AMZ1: variants seen among roughly 807,000 people sequenced by gnomAD.
AMZ1 encodes the protein archaemetzincin-1.
In AMZ1, 39 loss-of-function variants were observed where a neutral mutation model predicts 29.9. The ratio of observed to expected loss-of-function variants is 1.30; its 90% CI spans 1.01 to 1.70. The LOEUF (loss-of-function observed/expected upper bound fraction) is 1.70. Among genes scored for constraint, AMZ1 ranks in the 40% most tolerant of loss-of-function variants. The pLI, the probability that AMZ1 is intolerant of heterozygous loss-of-function variation, is 0.00. For missense variants in AMZ1, 1,041 were observed against 680.6 expected, an observed-to-expected ratio of 1.53 and a Z score of -5.89; for synonymous variants, 458 against 304.0, an observed-to-expected ratio of 1.51 and a Z score of -5.27.
chr7:2,679,781 C>A (rs1786818879), intron 1 of AMZ1: 2 of 152,516 alleles, frequency 1.3e-5, no homozygotes. Flanking sequence ...CTGCTCCAGG[C>A]AGAGGGCACA....
At position 2,752,004 on chromosome 7, in the gene AMZ1, G is replaced by A. The variant is rs540207709; in HGVS notation, n.551-12708G>A. ...AAATAATTTCCAACTCCTTTTATGA[G>A]GCCAGCATCATCCTGGTACCCACAC... On this transcript the variant is annotated intron_variant and non_coding_transcript_variant, in intron 4 of 4. Coordinates refer to the AMZ1 transcript ENST00000489665. Among the ~76,000 whole-genome samples, 15 of 152,168 alleles carry A rather than the reference G, an allele frequency of 9.9e-5. 1 individual carries two copies. The highest frequency in any genetic ancestry group is 4.6e-4 in the Admixed American group (7 of 15,282).
upstream of AMZ1, among the ~76,000 whole-genome samples, chr7:2,685,031 G>A (rs967664819): frequency 1.7e-4 from 26 of 151,682 alleles, no homozygotes; most frequent in African/African-American, 4.8e-4. Context: ...CACCACGCCC[G>A]GCTAATTTTT....
chr7:2,691,210 C>T (rs1352341218), intron 1 of AMZ1, among the ~76,000 whole-genome samples: 1 of 147,078 alleles, frequency 6.8e-6, no homozygotes, highest in East Asian at 1.9e-4. Flanking sequence ...AGGGAAGCCT[C>T]TGACCAGGGT....
At chr7:2,723,345 G>A (rs1789497991), downstream of AMZ1, among the ~76,000 whole-genome samples, 1 of 152,214 alleles carries the variant, frequency 6.6e-6, no homozygotes, top group African/African-American at 2.4e-5. Context: ...GTGAGCGGGA[G>A]AGCCACAAAG....
At chr7:2,698,137 ATGT>A (rs1787847235) in intron 1 of AMZ1, among the ~76,000 whole-genome samples, 1 of 152,228 alleles carries the variant, frequency 6.6e-6, no homozygotes, top group Non-Finnish European at 1.5e-5. Flanking sequence ...ACGTATGCCC[ATGT>A]TGCCACTACT....
At chr7:2,710,896 G>A (rs974501331) in intron 6 of AMZ1, among the ~76,000 whole-genome samples, 1 of 152,236 alleles carries the variant, frequency 6.6e-6, no homozygotes, top group Non-Finnish European at 1.5e-5. Flanking sequence ...GCCCCGTCAA[G>A]GGGCAGCTCT....
intron 4 of AMZ1, among the ~76,000 whole-genome samples, chr7:2,725,849 C>T (rs939232181): frequency 2.0e-5 from 3 of 152,146 alleles, no homozygotes; most frequent in African/African-American, 7.2e-5. Flanking sequence ...GTCAGTGAAC[C>T]ATCCCCTTCC....
intron 4 of AMZ1, among the ~76,000 whole-genome samples, chr7:2,740,179 T>C (rs921130857): frequency 6.6e-6 from 1 of 152,214 alleles, no homozygotes; most frequent in African/African-American, 2.4e-5. Flanking sequence ...TTCTGGGTTT[T>C]CTGGCATTTC....
At chr7:2,733,818 G>A (rs1197332369) in intron 4 of AMZ1, among the ~76,000 whole-genome samples, 2 of 152,192 alleles carry the variant, frequency 1.3e-5, no homozygotes, top group Non-Finnish European at 1.5e-5. Flanking sequence ...CATGAAGGCT[G>A]GCCCACTCCT....
intron 1 of AMZ1, among the ~76,000 whole-genome samples, 181 bp downstream of exon 1, chr7:2,688,477 G>T (rs979813870): frequency 6.6e-6 from 1 of 152,104 alleles, no homozygotes; most frequent in Non-Finnish European, 1.5e-5. Context: ...CGCACTTGGC[G>T]AGGGTTTGGT....
chr7:2,720,410 T>G (rs544245569), downstream of AMZ1, among the ~76,000 whole-genome samples: 1 of 152,140 alleles, frequency 6.6e-6, no homozygotes, highest in Non-Finnish European at 1.5e-5. Context: ...ATTATTTTTT[T>G]GAATTTTTAT....
At chr7:2,689,586 C>A (rs1177794046) in intron 1 of AMZ1, among the ~76,000 whole-genome samples, 1 of 152,214 alleles carries the variant, frequency 6.6e-6, no homozygotes, top group Non-Finnish European at 1.5e-5. Context: ...GCTTTGAAAC[C>A]AGGCCCCGCT....
chr7:2,757,541 T>C (rs1284385515), intron 4 of AMZ1, among the ~76,000 whole-genome samples: 7 of 152,078 alleles, frequency 4.6e-5, no homozygotes, highest in Non-Finnish European at 1.0e-4. Context: ...TGACAAGCCT[T>C]AGATGGGAAC....
chr7:2,726,683 T>C (rs1158978992), intron 4 of AMZ1, among the ~76,000 whole-genome samples: 2 of 152,200 alleles, frequency 1.3e-5, no homozygotes, highest in Non-Finnish European at 2.9e-5. Flanking sequence ...GGGCTAATGG[T>C]GCTAAGTGGC....
Position 2,690,221 on chromosome 7 carries a change from GAGAC to G in AMZ1, c.-219+1944_-219+1947del, listed in dbSNP as rs369423795. Among the ~76,000 whole-genome samples the G allele has an allele frequency of 3.4e-3, 515 of 152,114 alleles. 5 individuals are homozygous for G. Among genetic ancestry groups the G allele is most frequent in the African/African-American group, 9.0e-3 (374 of 41,502 alleles). ...TTTGTGTGTGTGTGAGAGAGAGAGA[GAGAC>G]AGACAGACAGACAGACAGGGTCTTG... On this transcript the variant is annotated intron_variant, in intron 1 of 6. Coordinates refer to ENST00000683327, the MANE Select transcript of AMZ1 (RefSeq NM_001384743.1).
chr7:2,694,535 A>T (rs1426472186), intron 1 of AMZ1, among the ~76,000 whole-genome samples: 2 of 151,954 alleles, frequency 1.3e-5, no homozygotes, highest in African/African-American at 4.8e-5. Flanking sequence ...TGCTCAAGTG[A>T]TCCTTCTGCC....
chr7:2,733,267 C>T (rs890109294), intron 4 of AMZ1, among the ~76,000 whole-genome samples: 1 of 152,212 alleles, frequency 6.6e-6, no homozygotes, highest in African/African-American at 2.4e-5. Flanking sequence ...TTCCTCCCCT[C>T]CCCACTGAGA....
At chr7:2,749,521 G>A (rs1369160772) in intron 4 of AMZ1, among the ~76,000 whole-genome samples, 1 of 149,780 alleles carries the variant, frequency 6.7e-6, no homozygotes, top group Non-Finnish European at 1.5e-5. Context: ...TGGGGTAGGG[G>A]GAGGGGGGAG....
At chr7:2,759,780 A>C (rs1314283823), upstream of AMZ1, among the ~76,000 whole-genome samples, 1 of 152,246 alleles carries the variant, frequency 6.6e-6, no homozygotes, top group Non-Finnish European at 1.5e-5. Flanking sequence ...AGGCCATGAA[A>C]AAAACTGTCC....
Sources: allele counts gnomAD v4.1 joint callset (sites outside exome capture counted in the v4.1 genomes callset), GRCh38; gene constraint gnomAD v4.1.1; transcripts MANE v1.5; gene names NCBI Gene and HGNC (gene_info 2026-07-23, HGNC 2026-07-21).